The following ITPR1 variants were observed in gnomAD, a reference collection of about 807,000 sequenced individuals.
The protein encoded by ITPR1 is inositol 1,4,5-trisphosphate-gated calcium channel ITPR1.
In ITPR1, 96 loss-of-function variants were observed where a neutral mutation model predicts 318.4. The observed-to-expected ratio is 0.30, with a 90% confidence interval of 0.26 to 0.36. The LOEUF (loss-of-function observed/expected upper bound fraction) is 0.36. Among genes scored for constraint, ITPR1 ranks in the 10% least tolerant of loss-of-function variants. The pLI is 1.00. For missense variants in ITPR1, 2,440 were observed against 3,460.2 expected, an observed-to-expected ratio of 0.71 and a Z score of 7.40; for synonymous variants, 1,312 against 1,289.9, an observed-to-expected ratio of 1.02 and a Z score of -0.37.
At chr3:4,745,802 G>A (rs1003804634) in intron 44 of ITPR1, among the ~76,000 whole-genome samples, 2 of 152,130 alleles carry the variant, frequency 1.3e-5, no homozygotes, top group African/African-American at 4.8e-5. Flanking sequence ...AGGACCCCAT[G>A]ACACTGTCAT....
chr3:4,818,466 A>G (rs545421013), intron 60 of ITPR1, among the ~76,000 whole-genome samples: 1 of 152,166 alleles, frequency 6.6e-6, no homozygotes, highest in East Asian at 1.9e-4. Flanking sequence ...AGTGGGGGAA[A>G]TGTTGAGCCT....
At chr3:4,773,467 G>A (rs1001126210) in intron 46 of ITPR1, among the ~76,000 whole-genome samples, 1 of 152,204 alleles carries the variant, frequency 6.6e-6, no homozygotes, top group Non-Finnish European at 1.5e-5. Context: ...TAGAGACTTG[G>A]TTGTTGGTTT....
chr3:4,673,125 C>G lies in ITPR1; in HGVS notation c.2205-11C>G. On this transcript the variant is annotated splice_polypyrimidine_tract_variant and intron_variant, in intron 20 of 61. Coordinates refer to ENST00000649015, the MANE Select transcript of ITPR1 (RefSeq NM_001378452.1). ...GGAGCGTGAGCTGTGTGCCCTTGTT[C>G]CTTCCTCTAGATATCAGCTGAACCT... 6.2e-7 allele frequency: 1 copy of G among 1,609,334 alleles called. No individual in the cohort carries two copies. The highest frequency in any genetic ancestry group is 8.5e-7 in the Non-Finnish European group (1 of 1,176,558).
intron 45 of ITPR1, 75 bp from the exon 46 acceptor site, chr3:4,768,436 G>C (rs934518034): frequency 1.9e-4 from 275 of 1,467,526 alleles, no homozygotes; most frequent in Non-Finnish European, 2.4e-4. Context: ...GTAGGTTTCT[G>C]AGTGTCACCT....
intron 36 of ITPR1, among the ~76,000 whole-genome samples, chr3:4,703,720 G>A (rs1029632712): frequency 4.6e-5 from 7 of 152,192 alleles, no homozygotes; most frequent in Admixed American, 1.3e-4. Flanking sequence ...AAGTCAGTTT[G>A]GATATACCTT....
At chr3:4,573,270 T>C (rs1274528961) in intron 4 of ITPR1, among the ~76,000 whole-genome samples, 1 of 152,212 alleles carries the variant, frequency 6.6e-6, no homozygotes, top group African/African-American at 2.4e-5. Flanking sequence ...TTGGCTTCTC[T>C]ATTTCATGCC....
intron 37 of ITPR1, among the ~76,000 whole-genome samples, chr3:4,707,374 T>C (rs927775968): frequency 2.0e-5 from 3 of 152,230 alleles, no homozygotes; most frequent in African/African-American, 7.2e-5. Flanking sequence ...CAGTTGATGC[T>C]GGTTGTCAGG....
At chr3:4,590,374 AT>A (rs2090294397) in intron 4 of ITPR1, among the ~76,000 whole-genome samples, 1 of 151,568 alleles carries the variant, frequency 6.6e-6, no homozygotes, top group Non-Finnish European at 1.5e-5. Flanking sequence ...GATGAATAGT[AT>A]TTATGATGAA....
intron 61 of ITPR1, among the ~76,000 whole-genome samples, chr3:4,845,513 T>A (rs1454296715): frequency 6.6e-6 from 1 of 152,244 alleles, no homozygotes; most frequent in Non-Finnish European, 1.5e-5. Flanking sequence ...TGGTCTCGCC[T>A]GACCTTCAGC....
chr3:4,827,429 A>C (rs1227125673), intron 60 of ITPR1, among the ~76,000 whole-genome samples: 1 of 152,252 alleles, frequency 6.6e-6, no homozygotes, highest in Non-Finnish European at 1.5e-5. Flanking sequence ...CATCAGGTAT[A>C]TATATTCAGA....
At chr3:4,586,845 C>T (rs1479404620) in intron 4 of ITPR1, among the ~76,000 whole-genome samples, 1 of 151,826 alleles carries the variant, frequency 6.6e-6, no homozygotes, top group Non-Finnish European at 1.5e-5. Flanking sequence ...AGATCTTTGC[C>T]CTGCTTTGTT....
At chr3:4,773,663 T>A (rs1343531605) in intron 46 of ITPR1, among the ~76,000 whole-genome samples, 1 of 152,174 alleles carries the variant, frequency 6.6e-6, no homozygotes, top group Non-Finnish European at 1.5e-5. Context: ...TCCCAAACAC[T>A]CCTCCAGCGC....
At chr3:4,545,883 G>T (rs2084944715) in intron 4 of ITPR1, among the ~76,000 whole-genome samples, 1 of 151,842 alleles carries the variant, frequency 6.6e-6, no homozygotes, top group Non-Finnish European at 1.5e-5. Context: ...TTTTTGTAGA[G>T]ACGGGATCTC....
intron 4 of ITPR1, chr3:4,596,292 C>A (rs1163870373): frequency 2.0e-5 from 3 of 152,122 alleles, no homozygotes; most frequent in African/African-American, 7.2e-5. Context: ...GGCTTTTTAC[C>A]ATAAGATAAA....
chr3:4,730,419 G>T (rs6802699), intron 42 of ITPR1, among the ~76,000 whole-genome samples: 31,002 of 105,356 alleles, frequency 0.29, 4,795 homozygotes, highest in Admixed American at 0.38. Flanking sequence ...GTGTGTGTGT[G>T]TTTCCCCCAG....
At chr3:4,799,515 G>A (rs970035546) in intron 53 of ITPR1, among the ~76,000 whole-genome samples, 5 of 152,220 alleles carry the variant, frequency 3.3e-5, no homozygotes, top group Admixed American at 1.3e-4. Context: ...CTCCTCCCCA[G>A]TGGTGCCACA....
intron 44 of ITPR1, among the ~76,000 whole-genome samples, chr3:4,758,543 G>T (rs1363783335): frequency 6.6e-6 from 1 of 152,168 alleles, no homozygotes; most frequent in Non-Finnish European, 1.5e-5. Flanking sequence ...CTTTTCCCCT[G>T]AACTTCCTGA....
intron 4 of ITPR1, among the ~76,000 whole-genome samples, chr3:4,609,660 A>G (rs2125097043): frequency 6.6e-6 from 1 of 151,726 alleles, no homozygotes; most frequent in African/African-American, 2.4e-5. Context: ...AATGGAGAAC[A>G]TGGAGGGATG....
Position 4,836,929 on chromosome 3 carries a change from G to A in ITPR1, c.8184G>A (p.Lys2728=). Residue 2728 remains lysine (K), a synonymous_variant, in exon 61 of 62, where the codon AAG becomes AAA. Coordinates refer to ENST00000649015, the MANE Select transcript of ITPR1 (RefSeq NM_001378452.1). The part of the protein sequence containing the change: ...TNLSGQLSEL[K]DQMTEQRKQK... ...TTTCTGGCCAGCTGTCGGAATTAAAGGATCAGGTAAAGAAAGAAAATCCCA... is the reference window on the plus strand; with the variant it reads ...TTTCTGGCCAGCTGTCGGAATTAAAAGATCAGGTAAAGAAAGAAAATCCCA... 6.3e-7 allele frequency: 1 copy of A among 1,583,998 alleles called. No homozygotes were observed. Among genetic ancestry groups the A allele is most frequent in the Non-Finnish European group, 8.6e-7 (1 of 1,158,516 alleles).
Sources: gnomAD v4.1 joint callset for allele counts (sites outside exome capture counted in the v4.1 genomes callset) on GRCh38, gnomAD v4.1.1 for gene constraint, MANE v1.5 for transcripts, NCBI Gene and HGNC (gene_info 2026-07-23, HGNC 2026-07-21) for gene names.